CLBA1: variants seen among roughly 807,000 people sequenced by gnomAD.
CLBA1 encodes uncharacterized protein CLBA1.
CLBA1 carries 30 observed loss-of-function variants against 28.8 expected under a neutral mutation model. The observed-to-expected ratio is 1.04, with a 90% CI of 0.78 to 1.41. The LOEUF (loss-of-function observed/expected upper bound fraction) is 1.41. Among genes scored for constraint, CLBA1 ranks in the 40% most tolerant of loss-of-function variants. CLBA1 has a pLI of 0.00. For missense variants in CLBA1, 451 were observed against 412.3 expected (o/e 1.09, Z -0.81); for synonymous variants, 160 against 152.8 (o/e 1.05, Z -0.35).
intron 4 of CLBA1, chr14:104,994,266 A>G (rs1169522373): frequency 3.1e-5 from 31 of 985,230 alleles, no homozygotes; most frequent in Non-Finnish European, 3.6e-5. Flanking sequence ...TGGCTACTGG[A>G]GGGCTGTGAG....
Position 104,985,839 on chromosome 14 carries a change from C to A in CLBA1, c.-593C>A. ...GGAACGGCTGGTTGCAGGTTTCTCT[C>A]GCCCTGGTCCCGCGCGGCCCCGCCG... is the stretch of plus-strand genomic sequence containing the variant. On this transcript the variant is annotated 5_prime_UTR_variant, in exon 1 of 5. Transcript: ENST00000547315. The A allele has an allele frequency of 3.9e-6, 1 of 259,666 alleles. No individual in the cohort carries two copies. Among genetic ancestry groups the A allele is most frequent in the Admixed American group, 4.8e-5 (1 of 20,638 alleles). 16.1% of individuals were successfully genotyped at this position (259,666 alleles called of 1,614,324 possible). A position where few individuals can be genotyped will look rare whatever the true frequency, so the allele number is the denominator to read the frequency against.
In CLBA1 at chr14:104,989,056, A is replaced by C. The variant is rs1444947425; in HGVS notation, c.537A>C (p.Glu179Asp). 6.2e-6 allele frequency: 10 copies of C among 1,613,132 alleles called. No individual in the cohort carries two copies. Among genetic ancestry groups the C allele is most frequent in the African/African-American group, 1.3e-5 (1 of 74,920 alleles). ...IDHFLEISSEEKPGVERVHKL... is the reference protein window; with the variant it reads ...IDHFLEISSEDKPGVERVHKL... Reference sequence around the variant, plus strand: ...ATTTCCTAGAAATAAGCAGTGAAGAAAAACCTGGCGTTGAACGTGTACATA... The same window carrying C: ...ATTTCCTAGAAATAAGCAGTGAAGACAAACCTGGCGTTGAACGTGTACATA... Residue 179 changes from glutamate (E) to aspartate (D), a missense_variant, in exon 2 of 5, where the codon GAA becomes GAC. By Grantham distance (45) the Glu-to-Asp change is conservative. Transcript: ENST00000547315.
downstream of CLBA1, among the ~76,000 whole-genome samples, chr14:104,998,383 C>T (rs1473606360): frequency 2.0e-5 from 3 of 151,554 alleles, no homozygotes; most frequent in Non-Finnish European, 2.9e-5. Context: ...CACTGCACTC[C>T]AGCCTGGGCA....
At chr14:104,992,325 A>C (rs1343266643) in intron 3 of CLBA1, among the ~76,000 whole-genome samples, 4 of 152,252 alleles carry the variant, frequency 2.6e-5, no homozygotes, top group Admixed American at 2.6e-4. Context: ...GCTGTCGCAG[A>C]AAACGCCAGT....
At chr14:104,990,944 C>T (rs989177011) in intron 2 of CLBA1, 3 of 154,270 alleles carry the variant, frequency 1.9e-5, no homozygotes, top group Non-Finnish European at 2.9e-5. Flanking sequence ...AAGGATGGCA[C>T]GTGTTGTTTG....
rs758863970 is a variant in CLBA1, at chr14:104,986,431, G to A, written c.-1G>A. 2.5e-6 allele frequency: 4 copies of A among 1,611,632 alleles called. No homozygotes were observed. The highest frequency in any genetic ancestry group is 2.2e-5 in the East Asian group (1 of 44,872). On this transcript the variant is annotated 5_prime_UTR_variant, in exon 1 of 5. Transcript: ENST00000547315. The stretch of plus-strand genomic sequence containing the variant: ...GCCTCTGCTGGCCTGGGGGCTCCAA[G>A]ATGCAAGGCCGGCGGGAGCTGGGGG...
chr14:104,993,640 CAGG>C, intron 4 of CLBA1: 1 of 985,422 alleles, frequency 1.0e-6, no homozygotes, highest in African/African-American at 1.7e-5. Context: ...TCTCTTTTAT[CAGG>C]GGGAAGAAAA....
chr14:104,989,990 C>T, intron 2 of CLBA1: 1 of 255,454 alleles, frequency 3.9e-6, no homozygotes, highest in South Asian at 4.1e-5. Flanking sequence ...AGGCCTGGAG[C>T]CCAGAAGGCC....
In CLBA1 at chr14:104,986,805, GC is replaced by G; in HGVS notation, c.376del (p.Gln126ArgfsTer6). The part of the protein sequence containing the change: ...APKECSSHQP[C>X]QGGPWVTGTS... ...AAAGAGTGCAGTTCTCACCAACCAT[GC>G]CAGGGTGGACCTTGGGTGACAGGAA... On this transcript the variant is annotated frameshift_variant, in exon 1 of 5. Coordinates refer to ENST00000547315, the MANE Select transcript of CLBA1 (RefSeq NM_174891.4). LOFTEE classifies it high-confidence loss of function. The G allele has an allele frequency of 6.2e-7, 1 of 1,613,588 alleles. No individual in the cohort carries two copies. The highest frequency in any genetic ancestry group is 1.3e-5 in the African/African-American group (1 of 74,972).
intron 4 of CLBA1, chr14:104,994,234 A>C (rs1026116036): frequency 1.0e-6 from 1 of 985,322 alleles, no homozygotes; most frequent in Non-Finnish European, 1.2e-6. Flanking sequence ...GTTTGGGGGA[A>C]GTCTGTGGTG....
downstream of CLBA1, among the ~76,000 whole-genome samples, chr14:104,996,710 C>T (rs188255830): frequency 1.3e-5 from 2 of 152,244 alleles, no homozygotes; most frequent in African/African-American, 4.8e-5. Context: ...AGAAATCATG[C>T]AGCCCCCAAA....
At chr14:104,987,134 C>A (rs1035044120) in intron 1 of CLBA1, among the ~76,000 whole-genome samples, 15 of 152,278 alleles carry the variant, frequency 9.9e-5, no homozygotes, top group Non-Finnish European at 2.9e-5. Context: ...CCTCCCCCAG[C>A]CTGTCCATTC....
chr14:104,994,480 G>A (rs1053611283), intron 4 of CLBA1, 118 bp from the exon 5 acceptor site: 90 of 1,432,874 alleles, frequency 6.3e-5, no homozygotes, highest in Non-Finnish European at 8.1e-5. Context: ...TCTAAGAGGA[G>A]AACCAAGGAG....
intron 1 of CLBA1, among the ~76,000 whole-genome samples, chr14:104,988,719 A>G (rs910299738): frequency 8.5e-5 from 13 of 152,202 alleles, no homozygotes; most frequent in Admixed American, 3.3e-4. Flanking sequence ...TCACTGATGA[A>G]GTTTGAATGT....
chr14:104,989,549 G>A (rs1899960709), intron 2 of CLBA1: 1 of 455,254 alleles, frequency 2.2e-6, no homozygotes, highest in African/African-American at 2.0e-5. Flanking sequence ...CCAGCCCCAG[G>A]GGTGCTCCCG....
intron 4 of CLBA1, chr14:104,993,305 T>C: frequency 8.1e-6 from 8 of 985,306 alleles, no homozygotes; most frequent in Non-Finnish European, 9.6e-6. Flanking sequence ...ACCCAGGATA[T>C]GGGTGGGTCA....
At chr14:104,995,543 G>T, downstream of CLBA1, 2 of 977,198 alleles carry the variant, frequency 2.0e-6, no homozygotes, top group Non-Finnish European at 2.4e-6. Flanking sequence ...TCATCAGCTG[G>T]GGGGACTGAT....
At chr14:104,996,351 G>A (rs753013878), downstream of CLBA1, among the ~76,000 whole-genome samples, 4 of 152,224 alleles carry the variant, frequency 2.6e-5, no homozygotes, top group African/African-American at 7.2e-5. Context: ...CCACTAGTGC[G>A]GCTGCCAAGC....
chr14:104,992,993 A>T lies in CLBA1; in HGVS notation c.745A>T (p.Lys249Ter). The change falls in exon 4 of 5, where the codon AAA becomes TAA. Residue 249 changes from lysine (K) to a stop codon, truncating the protein, a stop_gained. Coordinates refer to ENST00000547315, the MANE Select transcript of CLBA1 (RefSeq NM_174891.4). LOFTEE classifies it high-confidence loss of function. Reference sequence around the variant, plus strand: ...CCACATCATGGAAGATTGTGACCTCAAAGAGCCTGAAGGACTCCTCACTGT... The same window carrying T: ...CCACATCATGGAAGATTGTGACCTCTAAGAGCCTGAAGGACTCCTCACTGT... Reference protein sequence around the residue: ...QGHIMEDCDLKEPEGLLTVSS... With the variant: ...QGHIMEDCDL 6.2e-7 allele frequency: 1 copy of T among 1,614,170 alleles called. No homozygotes were observed. The highest frequency in any genetic ancestry group is 8.5e-7 in the Non-Finnish European group (1 of 1,180,018).
Sources: gnomAD v4.1 joint callset for allele counts (sites outside exome capture counted in the v4.1 genomes callset) on GRCh38, gnomAD v4.1.1 for gene constraint, MANE v1.5 for transcripts, NCBI Gene and HGNC (gene_info 2026-07-23, HGNC 2026-07-21) for gene names.